GPR158: variants seen among roughly 807,000 people sequenced by gnomAD.
GPR158 encodes metabotropic glycine receptor.
In GPR158, 30 loss-of-function variants were observed where a neutral mutation model predicts 78.2. That is an observed-to-expected ratio of 0.38 (90% CI 0.29 to 0.52). The LOEUF (loss-of-function observed/expected upper bound fraction) is 0.52, where lower values mean the gene tolerates loss of function less well. Ranked by LOEUF, GPR158 falls within the 20% of genes least tolerant of loss-of-function variation. GPR158 has a pLI of 0.83. For missense variants in GPR158, 1,463 were observed against 1,523.5 expected (o/e 0.96, Z 0.66); for synonymous variants, 581 against 591.1 (o/e 0.98, Z 0.25).
rs907200185 is a variant in GPR158, at chr10:25,232,626, GA to G, written c.1008+11470del. On this transcript the variant is annotated intron_variant, in intron 2 of 10. Coordinates refer to ENST00000376351, the MANE Select transcript of GPR158 (RefSeq NM_020752.3). ...TGTGTATTCATCCAGGACAGGTTTC[GA>G]TTCATCATTGTTTTTCCCTCCCCAA... 2.0e-5 allele frequency among the ~76,000 whole-genome samples: 3 copies of G among 151,998 alleles called. 1 individual carries two copies. Among genetic ancestry groups the G allele is most frequent in the African/African-American group, 7.2e-5 (3 of 41,380 alleles).
chr10:25,307,134 A>G (rs1336617949), intron 2 of GPR158, among the ~76,000 whole-genome samples: 1 of 152,070 alleles, frequency 6.6e-6, no homozygotes, highest in Non-Finnish European at 1.5e-5. Flanking sequence ...CCCTGAAATA[A>G]GTTTAAGATA....
intron 2 of GPR158, among the ~76,000 whole-genome samples, chr10:25,347,357 G>A (rs1182806957): frequency 6.6e-6 from 1 of 151,972 alleles, no homozygotes; most frequent in African/African-American, 2.4e-5. Flanking sequence ...AAGGACACAT[G>A]TGATTAGCTC....
chr10:25,220,929 G>T (rs1210976461), intron 1 of GPR158, 123 bp from the exon 2 acceptor site: 1 of 618,688 alleles, frequency 1.6e-6, no homozygotes, highest in African/African-American at 1.8e-5. Context: ...GGTTGAATAT[G>T]AGTAGGCAAT....
intron 6 of GPR158, among the ~76,000 whole-genome samples, chr10:25,556,622 A>G (rs570100911): frequency 1.2e-4 from 19 of 152,194 alleles, no homozygotes; most frequent in African/African-American, 4.6e-4. Flanking sequence ...GAAAAACAGG[A>G]CTCATTCTTA....
At chr10:25,322,800 T>C (rs868554934) in intron 2 of GPR158, among the ~76,000 whole-genome samples, 4 of 152,186 alleles carry the variant, frequency 2.6e-5, no homozygotes, top group Non-Finnish European at 5.9e-5. Context: ...TGGGTGACTG[T>C]GTCCATTGTC....
intron 2 of GPR158, among the ~76,000 whole-genome samples, chr10:25,334,784 G>A (rs777306389): frequency 6.7e-5 from 10 of 149,524 alleles, no homozygotes; most frequent in Non-Finnish European, 1.2e-4. Context: ...ATGTGAAAAG[G>A]GAAGTACAAG....
intron 4 of GPR158, among the ~76,000 whole-genome samples, chr10:25,439,001 G>A (rs1835033762): frequency 2.0e-5 from 3 of 152,152 alleles, no homozygotes; most frequent in Admixed American, 2.0e-4. Context: ...TGTTGCCTCT[G>A]GCTGATTTCA....
chr10:25,583,386 C>T (rs1046087598), intron 7 of GPR158, among the ~76,000 whole-genome samples: 1 of 152,188 alleles, frequency 6.6e-6, no homozygotes, highest in Admixed American at 6.5e-5. Context: ...ACAGAAGAGA[C>T]ATTCTCATTG....
chr10:25,518,569 G>T (rs573200136), intron 5 of GPR158, among the ~76,000 whole-genome samples: 1 of 51,366 alleles, frequency 1.9e-5, no homozygotes, highest in South Asian at 6.6e-4. Flanking sequence ...TCTGGTATGT[G>T]GTGTCTTTGT....
chr10:25,584,591 G>A (rs903665006), intron 7 of GPR158, among the ~76,000 whole-genome samples: 2 of 152,170 alleles, frequency 1.3e-5, no homozygotes, highest in African/African-American at 4.8e-5. Flanking sequence ...GTAAGTAGCA[G>A]GAGATACTGT....
chr10:25,372,208 A>G (rs987841940), intron 2 of GPR158, among the ~76,000 whole-genome samples: 11 of 151,932 alleles, frequency 7.2e-5, no homozygotes, highest in African/African-American at 2.4e-4. Flanking sequence ...TCAGGAAACA[A>G]CAGGTGCTGG....
Position 25,296,254 on chromosome 10 carries a change from T to A in GPR158, c.1008+75097T>A, listed in dbSNP as rs535655717. 2.0e-5 allele frequency among the ~76,000 whole-genome samples: 3 copies of A among 151,996 alleles called. No individual in the cohort carries two copies. In the South Asian group the frequency reaches 6.3e-4, roughly 32 times the overall value. On this transcript the variant is annotated intron_variant, in intron 2 of 10. Transcript: ENST00000376351. ...TGATAATGGGACACAGTCTCCTGGG[T>A]GAGGCAACTCTCCTTCAGTTGAGGG... is the stretch of plus-strand genomic sequence containing the variant.
At chr10:25,384,743 A>G (rs1487517841) in intron 2 of GPR158, among the ~76,000 whole-genome samples, 1 of 151,994 alleles carries the variant, frequency 6.6e-6, no homozygotes, top group East Asian at 1.9e-4. Flanking sequence ...CTTAGCTTTC[A>G]TTTTAGCCAT....
At chr10:25,595,322 G>A (rs186468319) in intron 9 of GPR158, among the ~76,000 whole-genome samples, 2 of 152,098 alleles carry the variant, frequency 1.3e-5, no homozygotes, top group African/African-American at 2.4e-5. Context: ...ACAAGTATTT[G>A]TATAGATTAT....
intron 2 of GPR158, among the ~76,000 whole-genome samples, chr10:25,255,429 A>G (rs1853877195): frequency 6.6e-6 from 1 of 152,238 alleles, no homozygotes; most frequent in African/African-American, 2.4e-5. Flanking sequence ...TCAGAAGCCT[A>G]GGCTGGATGA....
chr10:25,359,886 A>C (rs1855607829), intron 2 of GPR158, among the ~76,000 whole-genome samples: 1 of 152,192 alleles, frequency 6.6e-6, no homozygotes, highest in African/African-American at 2.4e-5. Flanking sequence ...CAACAGTGTA[A>C]AAGAATTCCT....
intron 5 of GPR158, among the ~76,000 whole-genome samples, chr10:25,487,612 C>G (rs942346012): frequency 6.6e-6 from 1 of 152,142 alleles, no homozygotes; most frequent in African/African-American, 2.4e-5. Context: ...CATTTCACCT[C>G]TTTGGACCTC....
At chr10:25,539,722 C>G (rs2210756) in intron 5 of GPR158, among the ~76,000 whole-genome samples, 1 of 152,008 alleles carries the variant, frequency 6.6e-6, no homozygotes. Context: ...ATATTAAGTT[C>G]TAGACCATGG....
At chr10:25,471,913 G>T (rs1835511370) in intron 5 of GPR158, among the ~76,000 whole-genome samples, 1 of 152,082 alleles carries the variant, frequency 6.6e-6, no homozygotes, top group African/African-American at 2.4e-5. Flanking sequence ...TTTGTAGGTT[G>T]CCTGTTCACT....
Sources: gnomAD v4.1 joint callset for allele counts (sites outside exome capture counted in the v4.1 genomes callset) on GRCh38, gnomAD v4.1.1 for gene constraint, MANE v1.5 for transcripts, NCBI Gene and HGNC (gene_info 2026-07-23, HGNC 2026-07-21) for gene names.